Variants in QPCT observed in about 807,000 individuals in gnomAD.
QPCT encodes the protein EC.
Under a neutral mutation model 43.4 loss-of-function variants are expected in QPCT, and 44 were observed. The observed-to-expected ratio is 1.01, with a 90% CI of 0.80 to 1.30. QPCT has a LOEUF of 1.30. Among genes scored for constraint, QPCT ranks in the 50% most tolerant of loss-of-function variants. The pLI is 0.00. For missense variants in QPCT, 526 were observed against 436.5 expected, an observed-to-expected ratio of 1.21 and a Z score of -1.83; for synonymous variants, 168 against 168.4, an observed-to-expected ratio of 1.00 and a Z score of 0.02.
rs1018553735 is a variant in QPCT at position 37,372,964 on chromosome 2, G to T, written c.*137G>T. 1.6e-5 allele frequency: 11 copies of T among 687,538 alleles called. No individual in the cohort carries two copies. The highest frequency in any genetic ancestry group is 3.8e-4 in the Middle Eastern group (1 of 2,612). 42.6% of individuals were successfully genotyped at this position (687,538 alleles called of 1,614,324 possible). A position where few individuals can be genotyped will look rare whatever the true frequency, so the allele number is the denominator to read the frequency against. On this transcript the variant is annotated 3_prime_UTR_variant, in exon 7 of 7. Transcript: ENST00000338415. ...GATCATCCTATTCTTATGTGTCTTT[G>T]GTTATCAGATCAATTACAGAATAAT...
At chr2:37,347,743 A>G (rs1168298401) in intron 1 of QPCT, among the ~76,000 whole-genome samples, 1 of 152,174 alleles carries the variant, frequency 6.6e-6, no homozygotes, top group Non-Finnish European at 1.5e-5. Flanking sequence ...GTACAGGCCC[A>G]TTCCTTTAGT....
chr2:37,363,589 C>T (rs1015850880), intron 3 of QPCT, among the ~76,000 whole-genome samples: 1 of 150,090 alleles, frequency 6.7e-6, no homozygotes. Flanking sequence ...TATAATTGAG[C>T]CACTGCACTC....
intron 1 of QPCT, among the ~76,000 whole-genome samples, chr2:37,346,795 C>T (rs922455853): frequency 1.4e-4 from 22 of 152,016 alleles, no homozygotes; most frequent in Non-Finnish European, 3.1e-4. Flanking sequence ...ATGAATCGGT[C>T]CACACTAAAA....
At chr2:37,357,567 C>G (rs1051574326) in intron 2 of QPCT, among the ~76,000 whole-genome samples, 22 of 152,222 alleles carry the variant, frequency 1.4e-4, no homozygotes, top group African/African-American at 4.6e-4. Flanking sequence ...AGGTTATAAA[C>G]ATTTCTTTTG....
chr2:37,370,065 A>G (rs558450519), intron 5 of QPCT, among the ~76,000 whole-genome samples: 1 of 152,234 alleles, frequency 6.6e-6, no homozygotes, highest in African/African-American at 2.4e-5. Flanking sequence ...GGCACCTGTA[A>G]TCCCAGCTAC....
chr2:37,352,409 G>A (rs962842376), intron 1 of QPCT, among the ~76,000 whole-genome samples: 1 of 152,098 alleles, frequency 6.6e-6, no homozygotes, highest in Admixed American at 6.5e-5. Flanking sequence ...CTGCAACCTT[G>A]ACCTCCTGGG....
chr2:37,366,225 G>A (rs1277417298), intron 3 of QPCT, among the ~76,000 whole-genome samples: 1 of 152,166 alleles, frequency 6.6e-6, no homozygotes, highest in Non-Finnish European at 1.5e-5. Flanking sequence ...CTGAAAGACA[G>A]GGGTTATTGT....
Position 37,372,897 on chromosome 2 carries a change from T to C in QPCT, c.*70T>C. On this transcript the variant is annotated 3_prime_UTR_variant, in exon 7 of 7. Transcript: ENST00000338415. ...AAAGTCAAGGCATCATTTAAAATAA[T>C]CTGATTTCAGACAAATGCTGTGTGG... 6 of 1,385,800 alleles carry C rather than the reference T, an allele frequency of 4.3e-6. No homozygotes were observed. In the South Asian group the frequency reaches 8.3e-5, roughly 19 times the overall value. The allele number at this position is 1,385,800 out of a possible 1,614,324, so 85.8% of individuals were successfully genotyped here.
rs999776662 is a variant in QPCT at position 37,344,631 on chromosome 2, G to A, written c.-101G>A. The A allele has an allele frequency of 1.2e-5, 18 of 1,463,914 alleles. No homozygotes were observed. The highest frequency in any genetic ancestry group is 1.5e-5 in the Non-Finnish European group (17 of 1,104,256). 90.7% of individuals were successfully genotyped at this position (1,463,914 alleles called of 1,614,324 possible). A position where few individuals can be genotyped will look rare whatever the true frequency, so the allele number is the denominator to read the frequency against. On this transcript the variant is annotated 5_prime_UTR_variant, in exon 1 of 7. Coordinates refer to ENST00000338415, the MANE Select transcript of QPCT (RefSeq NM_012413.4). ...CGGGGGCGATGGGAAGGCGGGCGCAGTCGACCCAAGGGTGGAGAAGAGGGA... is the reference window on the plus strand; with the variant it reads ...CGGGGGCGATGGGAAGGCGGGCGCAATCGACCCAAGGGTGGAGAAGAGGGA...
chr2:37,357,500 T>A (rs1306515340), intron 2 of QPCT, among the ~76,000 whole-genome samples: 1 of 152,226 alleles, frequency 6.6e-6, no homozygotes, highest in Non-Finnish European at 1.5e-5. Context: ...GATAGCCTAC[T>A]GTGAGCAAAG....
intron 1 of QPCT, among the ~76,000 whole-genome samples, chr2:37,348,946 C>A (rs1208883579): frequency 6.6e-6 from 1 of 152,206 alleles, no homozygotes; most frequent in East Asian, 1.9e-4. Flanking sequence ...CTCTTTCTTT[C>A]CAGCTTTTTC....
chr2:37,359,637 T>C lies in QPCT; in HGVS notation c.325T>C (p.Phe109Leu), dbSNP rs1399068423. The C allele has an allele frequency of 1.9e-6, 3 of 1,614,182 alleles. No homozygotes were observed. The highest frequency in any genetic ancestry group is 2.5e-6 in the Non-Finnish European group (3 of 1,180,016). Residue 109 changes from phenylalanine (F) to leucine (L), a missense_variant, in exon 3 of 7, where the codon TTC becomes CTC. By Grantham distance (22) the Phe-to-Leu change is conservative. Coordinates refer to ENST00000338415, the MANE Select transcript of QPCT (RefSeq NM_012413.4). Reference protein sequence around the residue: ...QADWVLEIDTFLSQTPYGYRS... With the variant: ...QADWVLEIDTLLSQTPYGYRS... Reference sequence around the variant, plus strand: ...TGACTGGGTCTTGGAAATAGACACCTTCTTGAGTCAGACACCCTATGGGTA... The same window carrying C: ...TGACTGGGTCTTGGAAATAGACACCCTCTTGAGTCAGACACCCTATGGGTA...
At position 37,360,101 on chromosome 2, in the gene QPCT, A is replaced by G. The variant is rs572349364; in HGVS notation, c.546+243A>G. On this transcript the variant is annotated intron_variant, in intron 3 of 6. Transcript: ENST00000338415. ...GATTTATCAGCCTTGAATGCACATTAAATTAAATGCAACATTTCTTTGTGA... is the reference window on the plus strand; with the variant it reads ...GATTTATCAGCCTTGAATGCACATTGAATTAAATGCAACATTTCTTTGTGA... 6 of 493,746 alleles carry G rather than the reference A, an allele frequency of 1.2e-5. No individual in the cohort carries two copies. The South Asian group carries it at 1.6e-4, about 13-fold the overall frequency. 30.6% of individuals were successfully genotyped at this position (493,746 alleles called of 1,614,324 possible).
At position 37,361,145 on chromosome 2, in the gene QPCT, G is replaced by A. The variant is rs142929235; in HGVS notation, c.546+1287G>A. On this transcript the variant is annotated intron_variant, in intron 3 of 6. Transcript: ENST00000338415. Reference sequence around the variant, plus strand: ...TTCTGTTAGAGATAAATGGTGAGGTGGGGGATTTTTTTTAAGAGGCTGTTT... The same window carrying A: ...TTCTGTTAGAGATAAATGGTGAGGTAGGGGATTTTTTTTAAGAGGCTGTTT... Among the ~76,000 whole-genome samples the A allele has an allele frequency of 4.9e-4, 74 of 152,226 alleles. 1 individual carries two copies. The East Asian group carries it at 0.013, about 27-fold the overall frequency.
Position 37,359,665 on chromosome 2 carries a change from G to C in QPCT, c.353G>C (p.Arg118Pro). 6.2e-7 allele frequency: 1 copy of C among 1,613,972 alleles called. No individual in the cohort carries two copies. Among genetic ancestry groups the C allele is most frequent in the Non-Finnish European group, 8.5e-7 (1 of 1,179,924 alleles). Residue 118 changes from arginine to proline, a missense_variant, in exon 3 of 7, where the codon CGG becomes CCG. Coordinates refer to ENST00000338415, the MANE Select transcript of QPCT (RefSeq NM_012413.4). ...TTGAGTCAGACACCCTATGGGTACC[G>C]GTCTTTCTCAAATATCATCAGCACC... ...TFLSQTPYGY[R>P]SFSNIISTLN...
intron 5 of QPCT, among the ~76,000 whole-genome samples, chr2:37,372,090 T>C (rs1673087909): frequency 6.6e-6 from 1 of 152,208 alleles, no homozygotes; most frequent in South Asian, 2.1e-4. Flanking sequence ...CTCTTCACTG[T>C]TCTGTGGAGT....
At chr2:37,349,633 G>A (rs1672577161) in intron 1 of QPCT, among the ~76,000 whole-genome samples, 1 of 152,144 alleles carries the variant, frequency 6.6e-6, no homozygotes, top group Non-Finnish European at 1.5e-5. Flanking sequence ...TGACACAACA[G>A]TTTTGGTTGT....
chr2:37,355,062 T>G (rs1334141012), intron 2 of QPCT, among the ~76,000 whole-genome samples: 3 of 152,248 alleles, frequency 2.0e-5, no homozygotes, highest in African/African-American at 7.2e-5. Flanking sequence ...TTCAGTAACA[T>G]TCTCCACTAT....
chr2:37,344,653 G>C lies in QPCT; in HGVS notation c.-79G>C, dbSNP rs1008923607. Reference sequence around the variant, plus strand: ...GCAGTCGACCCAAGGGTGGAGAAGAGGGAAGGCGAAGGACGCGCGTTCCCG... The same window carrying C: ...GCAGTCGACCCAAGGGTGGAGAAGACGGAAGGCGAAGGACGCGCGTTCCCG... On this transcript the variant is annotated 5_prime_UTR_variant, in exon 1 of 7. Transcript: ENST00000338415. The C allele has an allele frequency of 2.6e-6, 4 of 1,521,528 alleles. No homozygotes were observed. Among genetic ancestry groups the C allele is most frequent in the African/African-American group, 1.4e-5 (1 of 71,856 alleles). 94.3% of individuals were successfully genotyped at this position (1,521,528 alleles called of 1,614,324 possible). A position where few individuals can be genotyped will look rare whatever the true frequency, so the allele number is the denominator to read the frequency against.
Sources: allele counts gnomAD v4.1 joint callset (sites outside exome capture counted in the v4.1 genomes callset), GRCh38; gene constraint gnomAD v4.1.1; transcripts MANE v1.5; gene names NCBI Gene and HGNC (gene_info 2026-07-23, HGNC 2026-07-21).